MKI67: variants seen among roughly 807,000 people sequenced by gnomAD.
MKI67 encodes the protein proliferation marker protein Ki-67.
A neutral mutation model predicts 233.5 loss-of-function variants in MKI67; 152 were observed. The ratio of observed to expected loss-of-function variants is 0.65; its 90% confidence interval spans 0.57 to 0.74. MKI67 has a LOEUF of 0.74. MKI67 is among the 30% of genes least tolerant of loss of function. The probability of loss-of-function intolerance (pLI) is 0.00; values close to 1 mark genes in which losing one functional copy is unlikely to be tolerated. For missense variants in MKI67, 3,940 were observed against 3,885.2 expected, an observed-to-expected ratio of 1.01 and a Z score of -0.37; for synonymous variants, 1,465 against 1,418.5, an observed-to-expected ratio of 1.03 and a Z score of -0.74.
In MKI67 at chr10:128,115,693, T is replaced by C; in HGVS notation, c.715A>G (p.Lys239Glu). ...TCTTTCTTCACTGACTCATAAAGCT[T>C]CCAAAAGGGAGATTCATTTTTTTTG... ...NSKKNESPFWKLYESVKKELD... is the reference protein window; with the variant it reads ...NSKKNESPFWELYESVKKELD... Residue 239 changes from lysine to glutamate, a missense_variant, in exon 7 of 15, where the codon AAG becomes GAG. Lys to Glu is a moderately conservative substitution (Grantham distance 56). Coordinates refer to ENST00000368654, the MANE Select transcript of MKI67 (RefSeq NM_002417.5). 5 of 1,613,944 alleles carry C rather than the reference T, an allele frequency of 3.1e-6. No individual in the cohort carries two copies. The highest frequency in any genetic ancestry group is 4.2e-6 in the Non-Finnish European group (5 of 1,180,014).
In MKI67 at chr10:128,108,030, C is replaced by T. The variant is rs1396692617; in HGVS notation, c.3810G>A (p.Lys1270=). 3 of 1,613,598 alleles carry T rather than the reference C, an allele frequency of 1.9e-6. No individual in the cohort carries two copies. Among genetic ancestry groups the T allele is most frequent in the African/African-American group, 2.7e-5 (2 of 74,722 alleles). ...CTACATCTGCTTTCCTGATACTTCT[C>T]TTGGGTCGTTGCTTTGTGCTTGTTG... ...DTPTSTKQRP[K]RSIRKADVEG... is the part of the protein sequence containing the mutation. The change falls in exon 13 of 15, where the codon AAG becomes AAA. Residue 1270 remains lysine (K), a synonymous_variant. Coordinates refer to ENST00000368654, the MANE Select transcript of MKI67 (RefSeq NM_002417.5).
intron 4 of MKI67, among the ~76,000 whole-genome samples, chr10:128,121,796 AT>A (rs151193613): frequency 2.5e-4 from 38 of 150,292 alleles, no homozygotes; most frequent in African/African-American, 8.3e-4. Context: ...TATATTAAAC[AT>A]TTTTTTTTCA....
At chr10:128,126,059 C>G (rs1439681891) in intron 1 of MKI67, 40 bp downstream of exon 1, 1 of 246,048 alleles carries the variant, frequency 4.1e-6, no homozygotes, top group Non-Finnish European at 8.0e-6. Context: ...GCTCAGCCCT[C>G]GACCCCGGAC....
At position 128,115,648 on chromosome 10, in the gene MKI67, T is replaced by C. The variant is rs1219096582; in HGVS notation, c.760A>G (p.Lys254Glu). 6.2e-7 allele frequency: 1 copy of C among 1,613,676 alleles called. No homozygotes were observed. ...CTACAATACTGTAGGACATTTTCTT[T>C]TTGTGATTTTACATCCAACTCTTTC... Reference protein sequence around the residue: ...VKKELDVKSQKENVLQYCRKS... With the variant: ...VKKELDVKSQEENVLQYCRKS... The change falls in exon 7 of 15, where the codon AAA becomes GAA. Residue 254 changes from lysine (K) to glutamate (E), a missense_variant. Physicochemically the swap from Lys to Glu is moderately conservative, Grantham distance 56. Transcript: ENST00000368654.
intron 5 of MKI67, among the ~76,000 whole-genome samples, chr10:128,117,837 C>T (rs562185815): frequency 2.6e-5 from 4 of 152,280 alleles, no homozygotes; most frequent in East Asian, 3.9e-4. Flanking sequence ...AAATTGCTGT[C>T]GAATTGCTGT....
At chr10:128,114,881 A>C (rs750729378) in intron 7 of MKI67, 47 bp downstream of exon 7, 32 of 1,477,504 alleles carry the variant, frequency 2.2e-5, no homozygotes, top group Non-Finnish European at 2.9e-5. Context: ...GCTACATAGA[A>C]GGTGTTCATC....
At chr10:128,102,445 A>AGT (rs1291606374) in intron 13 of MKI67, 134 bp downstream of exon 13, 1 of 1,059,588 alleles carries the variant, frequency 9.4e-7, no homozygotes, top group Non-Finnish European at 1.4e-6. Flanking sequence ...CATGGCCTGC[A>AGT]GTTATTCAGT....
chr10:128,104,162 C>G lies in MKI67; in HGVS notation c.7678G>C (p.Val2560Leu). ...GCTGAGAAGAGCTCTTTGAAGTCAACCAGGTCTTCTAGAGCACGGGCCTTT... is the reference window on the plus strand; with the variant it reads ...GCTGAGAAGAGCTCTTTGAAGTCAAGCAGGTCTTCTAGAGCACGGGCCTTT... The part of the protein sequence containing the change: ...KEKARALEDL[V>L]DFKELFSAPG... The change falls in exon 13 of 15, where the codon GTT becomes CTT. Residue 2560 changes from valine (V) to leucine (L), a missense_variant. Val to Leu is a conservative substitution (Grantham distance 32). Coordinates refer to ENST00000368654, the MANE Select transcript of MKI67 (RefSeq NM_002417.5). The G allele has an allele frequency of 6.2e-7, 1 of 1,614,088 alleles. No homozygotes were observed. The highest frequency in any genetic ancestry group is 1.1e-5 in the South Asian group (1 of 91,078).
intron 11 of MKI67, among the ~76,000 whole-genome samples, chr10:128,111,134 C>T (rs370750254): frequency 1.2e-4 from 18 of 152,210 alleles, no homozygotes; most frequent in African/African-American, 4.3e-4. Context: ...CTTTAAATTA[C>T]ACAAGTCAGG....
rs1852534952 is a variant in MKI67, at chr10:128,107,482, C to T, written c.4358G>A (p.Arg1453Lys). Residue 1453 changes from arginine (R) to lysine (K), a missense_variant, in exon 13 of 15, where the codon AGG becomes AAG. Arg to Lys is a conservative substitution (Grantham distance 26). Transcript: ENST00000368654. ...GGCCTTTTCCTTAGTTTTTGGGTGC[C>T]TCTTGCTACCAGTTACACTTGCTGC... is the stretch of plus-strand genomic sequence containing the variant. ...DPAASVTGSK[R>K]HPKTKEKAQP... 20 of 1,613,902 alleles carry T rather than the reference C, an allele frequency of 1.2e-5. No individual in the cohort carries two copies. Among genetic ancestry groups the T allele is most frequent in the Non-Finnish European group, 1.6e-5 (19 of 1,180,000 alleles).
At position 128,110,396 on chromosome 10, in the gene MKI67, G is replaced by A; in HGVS notation, c.2398C>T (p.Pro800Ser). Residue 800 changes from proline to serine, a missense_variant, in exon 12 of 15, where the codon CCC becomes TCC. Physicochemically the swap from Pro to Ser is moderately conservative, Grantham distance 74 (BLOSUM62 -1). Coordinates refer to ENST00000368654, the MANE Select transcript of MKI67 (RefSeq NM_002417.5). ...AACCAACCAAAACTCTCTGAGGTGG[G>A]GAGCAGAGGTTCTTCTCCTGAATCA... is the stretch of plus-strand genomic sequence containing the variant. ...GTDSGEEPLL[P>S]TSESFGGNVF... 6.4e-7 allele frequency: 1 copy of A among 1,567,248 alleles called. No homozygotes were observed. The highest frequency in any genetic ancestry group is 8.7e-7 in the Non-Finnish European group (1 of 1,144,982).
At position 128,105,455 on chromosome 10, in the gene MKI67, C is replaced by A; in HGVS notation, c.6385G>T (p.Asp2129Tyr). 1 of 1,614,082 alleles carries A rather than the reference C, an allele frequency of 6.2e-7. No individual in the cohort carries two copies. The highest frequency in any genetic ancestry group is 8.5e-7 in the Non-Finnish European group (1 of 1,180,024). Residue 2129 changes from aspartate to tyrosine, a missense_variant, in exon 13 of 15, where the codon GAT becomes TAT. Transcript: ENST00000368654. ...AGGGCTGAGAGCTCTTCCACTATAT[C>A]CCTTTTCCCCAAAGGTGTTTTGGGC... ...RRPKTPLGKR[D>Y]IVEELSALKQ... is the part of the protein sequence containing the mutation.
rs138608848 is a variant in MKI67, at chr10:128,113,601, A to T, written c.1482T>A (p.Asn494Lys). The T allele has an allele frequency of 3.1e-6, 5 of 1,612,738 alleles. No individual in the cohort carries two copies. The South Asian group carries it at 4.4e-5, about 14-fold the overall frequency. ...VDINNFGDSINESEGIPLKRR... is the reference protein window; with the variant it reads ...VDINNFGDSIKESEGIPLKRR... ...TTTTCAAAGGTATTCCCTCACTCTC[A>T]TCTAAAGTAACGGATACAAATGTGG... The change falls in exon 8 of 15, where the codon AAT (asparagine) becomes AAA (lysine). Residue 494 changes from asparagine to lysine, a missense_variant and splice_region_variant. By Grantham distance (94) the Asn-to-Lys change is moderately conservative (BLOSUM62 0). Coordinates refer to ENST00000368654, the MANE Select transcript of MKI67 (RefSeq NM_002417.5).
Position 128,104,425 on chromosome 10 carries a change from A to T in MKI67, c.7415T>A (p.Phe2472Tyr). ...VSCKSPQPES[F>Y]KTSRSSKQRL... Reference sequence around the variant, plus strand: ...TTGCTTGGAGCTTCTTGAGGTTTTGAATGACTCTGGCTGTGGAGATTTACA... The same window carrying T: ...TTGCTTGGAGCTTCTTGAGGTTTTGTATGACTCTGGCTGTGGAGATTTACA... Residue 2472 changes from phenylalanine (F) to tyrosine (Y), a missense_variant, in exon 13 of 15, where the codon TTC (phenylalanine) becomes TAC (tyrosine). Phe to Tyr is a conservative substitution (Grantham distance 22). Coordinates refer to ENST00000368654, the MANE Select transcript of MKI67 (RefSeq NM_002417.5). The T allele has an allele frequency of 6.2e-7, 1 of 1,613,404 alleles. No homozygotes were observed. Among genetic ancestry groups the T allele is most frequent in the Non-Finnish European group, 8.5e-7 (1 of 1,179,908 alleles).
intron 5 of MKI67, among the ~76,000 whole-genome samples, chr10:128,118,221 C>G (rs1453223605): frequency 6.6e-6 from 1 of 152,010 alleles, no homozygotes; most frequent in Non-Finnish European, 1.5e-5. Flanking sequence ...TATGGTGAAA[C>G]CCTGTCTCTA....
chr10:128,107,137 A>G lies in MKI67; in HGVS notation c.4703T>C (p.Leu1568Ser), dbSNP rs751727402. 2.5e-5 allele frequency: 40 copies of G among 1,612,452 alleles called. No individual in the cohort carries two copies. The highest frequency in any genetic ancestry group is 3.1e-5 in the Non-Finnish European group (36 of 1,179,766). Residue 1568 changes from leucine (L) to serine (S), a missense_variant, in exon 13 of 15, where the codon TTA (leucine) becomes TCA (serine). Transcript: ENST00000368654. ...PVQKLDLTEN[L>S]TGSKRRLQTP... is the part of the protein sequence containing the mutation. ...TTGTAGCCGTCTCTTGCTGCCAGTT[A>G]AGTTCTCTGTCAGGTCCAGTTTCTG...
At chr10:128,112,617 A>C (rs887258017) in intron 8 of MKI67, among the ~76,000 whole-genome samples, 172 bp from the exon 9 acceptor site, 1 of 152,226 alleles carries the variant, frequency 6.6e-6, no homozygotes, top group African/African-American at 2.4e-5. Flanking sequence ...TCAGTCATTT[A>C]AGGAAAAGGA....
At position 128,105,067 on chromosome 10, in the gene MKI67, C is replaced by G. The variant is rs200363806; in HGVS notation, c.6773G>C (p.Arg2258Pro). 4.8e-5 allele frequency: 77 copies of G among 1,613,904 alleles called. No individual in the cohort carries two copies. Among genetic ancestry groups the G allele is most frequent in the Non-Finnish European group, 6.4e-5 (76 of 1,179,996 alleles). ...VEEESLALRKRTPSVGKAMDT... is the reference protein window; with the variant it reads ...VEEESLALRKPTPSVGKAMDT... The stretch of plus-strand genomic sequence containing the variant: ...CATAGCTTTCCCTACTGATGGTGTT[C>G]GTTTCCTGAGTGCTAAGGATTCTTC... Residue 2258 changes from arginine (R) to proline (P), a missense_variant, in exon 13 of 15, where the codon CGA becomes CCA. Transcript: ENST00000368654.
chr10:128,107,696 C>G lies in MKI67; in HGVS notation c.4144G>C (p.Asp1382His). 1 of 1,613,840 alleles carries G rather than the reference C, an allele frequency of 6.2e-7. No individual in the cohort carries two copies. Among genetic ancestry groups the G allele is most frequent in the Non-Finnish European group, 8.5e-7 (1 of 1,180,000 alleles). ...TGCCTTCTTGTGCTTGTTGGGGTGTCTGCTGATTCTGGTGGAGAAGATTCG... is the reference window on the plus strand; with the variant it reads ...TGCCTTCTTGTGCTTGTTGGGGTGTGTGCTGATTCTGGTGGAGAAGATTCG... ...PCESSPPESA[D>H]TPTSTRRQPK... Residue 1382 changes from aspartate (D) to histidine (H), a missense_variant, in exon 13 of 15, where the codon GAC (aspartate) becomes CAC (histidine). Physicochemically the swap from Asp to His is moderately conservative, Grantham distance 81 (BLOSUM62 -1). Coordinates refer to ENST00000368654, the MANE Select transcript of MKI67 (RefSeq NM_002417.5).
Sources: allele counts gnomAD v4.1 joint callset (sites outside exome capture counted in the v4.1 genomes callset), GRCh38; gene constraint gnomAD v4.1.1; transcripts MANE v1.5; gene names NCBI Gene and HGNC (gene_info 2026-07-23, HGNC 2026-07-21).